The following KDM1A variants were observed in gnomAD, a reference collection of about 807,000 sequenced individuals.
KDM1A encodes the protein lysine-specific histone demethylase 1A.
Under a neutral mutation model 109.4 loss-of-function variants are expected in KDM1A, and 49 were observed. The observed-to-expected ratio is 0.45, with a 90% CI of 0.36 to 0.57. The LOEUF (loss-of-function observed/expected upper bound fraction) is 0.57, where lower values mean the gene tolerates loss of function less well. Among genes scored for constraint, KDM1A ranks in the 20% least tolerant of loss-of-function variants. KDM1A has a pLI of 0.00. For missense variants in KDM1A, 668 were observed against 1,116.6 expected (o/e 0.60, Z 5.73); for synonymous variants, 380 against 415.4 (o/e 0.91, Z 1.04).
chr1:23,025,136 T>C (rs1417777291), intron 1 of KDM1A, among the ~76,000 whole-genome samples: 1 of 152,200 alleles, frequency 6.6e-6, no homozygotes, highest in African/African-American at 2.4e-5. Flanking sequence ...TAAGTTTAAA[T>C]TGAAATTAAA....
chr1:23,081,360 C>A, intron 18 of KDM1A, 86 bp from the exon 19 acceptor site: 2 of 1,462,814 alleles, frequency 1.4e-6, no homozygotes, highest in South Asian at 1.2e-5. Flanking sequence ...GATTTCAGAG[C>A]ACCAGGAATA....
chr1:23,071,632 A>G (rs1393114072), intron 13 of KDM1A, among the ~76,000 whole-genome samples: 1 of 152,232 alleles, frequency 6.6e-6, no homozygotes, highest in South Asian at 2.1e-4. Flanking sequence ...AGTATTAAAC[A>G]TGGACTTCAG....
intron 8 of KDM1A, 24 bp downstream of exon 8, chr1:23,057,589 A>G (rs372013728): frequency 1.5e-5 from 23 of 1,537,542 alleles, no homozygotes; most frequent in Non-Finnish European, 1.6e-5. Flanking sequence ...GGTTTGTGCT[A>G]TATAGTACAT....
At chr1:23,064,250 A>G (rs1429622030) in intron 9 of KDM1A, among the ~76,000 whole-genome samples, 1 of 152,246 alleles carries the variant, frequency 6.6e-6, no homozygotes, top group Non-Finnish European at 1.5e-5. Context: ...GATAATAGCT[A>G]TATCTCATTT....
At chr1:23,033,883 A>G (rs1158463336) in intron 2 of KDM1A, among the ~76,000 whole-genome samples, 1 of 152,226 alleles carries the variant, frequency 6.6e-6, no homozygotes, top group Non-Finnish European at 1.5e-5. Context: ...TGGAAAGACC[A>G]ATCTCATGCT....
intron 3 of KDM1A, among the ~76,000 whole-genome samples, chr1:23,045,167 CG>C (rs1484884246): frequency 6.6e-6 from 1 of 152,150 alleles, no homozygotes; most frequent in Non-Finnish European, 1.5e-5. Context: ...TCCAAAATAA[CG>C]TATCTGGATT....
chr1:23,020,258 G>A (rs1641582584), intron 1 of KDM1A: 1 of 229,360 alleles, frequency 4.4e-6, no homozygotes. Context: ...CTGGAAAATG[G>A]CTCCCTGACG....
At chr1:23,067,476 T>A (rs1018273577) in intron 10 of KDM1A, among the ~76,000 whole-genome samples, 1 of 152,200 alleles carries the variant, frequency 6.6e-6, no homozygotes, top group Non-Finnish European at 1.5e-5. Flanking sequence ...AGAGGTAGAA[T>A]CTTACTGGGA....
intron 3 of KDM1A, among the ~76,000 whole-genome samples, chr1:23,049,066 C>G (rs1486670764): frequency 6.7e-6 from 1 of 148,358 alleles, no homozygotes; most frequent in Non-Finnish European, 1.5e-5. Context: ...GCAGGAGAAT[C>G]GCCTGAACCC....
chr1:23,079,717 A>C lies in KDM1A; in HGVS notation c.2170+50A>C. On this transcript the variant is annotated intron_variant, in intron 18 of 20. Coordinates refer to ENST00000400181, the MANE Select transcript of KDM1A (RefSeq NM_001009999.3). The surrounding 1 kb of genome is among the most constrained non-coding windows in gnomAD (Gnocchi z 5.6). ...TTTCCATATCCTTACAGGAATATAGAATTTGAAATATTTTGGGTTTTCTCA... is the reference window on the plus strand; with the variant it reads ...TTTCCATATCCTTACAGGAATATAGCATTTGAAATATTTTGGGTTTTCTCA... 7.2e-6 allele frequency: 9 copies of C among 1,247,916 alleles called. No individual in the cohort carries two copies. Among genetic ancestry groups the C allele is most frequent in the Non-Finnish European group, 1.0e-5 (9 of 892,544 alleles). The allele number at this position is 1,247,916 out of a possible 1,614,324, so 77.3% of individuals were successfully genotyped here. A position where few individuals can be genotyped will look rare whatever the true frequency, so the allele number is the denominator to read the frequency against.
intron 9 of KDM1A, among the ~76,000 whole-genome samples, chr1:23,061,806 G>C (rs901611987): frequency 6.6e-6 from 1 of 151,934 alleles, no homozygotes; most frequent in Non-Finnish European, 1.5e-5. Context: ...ACAGGCATGC[G>C]CCACCACGCC....
At chr1:23,055,332 TA>T in intron 6 of KDM1A, 171 bp downstream of exon 6, 1 of 339,880 alleles carries the variant, frequency 2.9e-6, no homozygotes, top group Admixed American at 4.6e-5. Flanking sequence ...AAATAAATAA[TA>T]AAAAATATAG....
chr1:23,065,639 TACCGGAGATGC>T (rs1396206522), intron 9 of KDM1A, among the ~76,000 whole-genome samples: 2 of 152,202 alleles, frequency 1.3e-5, no homozygotes, highest in Non-Finnish European at 2.9e-5. Context: ...TAGAATGGTG[TACCGGAGATGC>T]AGTCCTGTCA....
In KDM1A at chr1:23,050,959, C is replaced by T. The variant is rs904781401; in HGVS notation, c.711+439C>T. ...AATTATCTGGGCATGGTGGCAGGCA[C>T]ATGTAGTCCCAGCTACTTGAGAGGC... On this transcript the variant is annotated intron_variant, in intron 4 of 20. Coordinates refer to ENST00000400181, the MANE Select transcript of KDM1A (RefSeq NM_001009999.3). Among the ~76,000 whole-genome samples, 3 of 152,112 alleles carry T rather than the reference C, an allele frequency of 2.0e-5. No individual in the cohort carries two copies. In the East Asian group the frequency reaches 5.8e-4, roughly 29 times the overall value.
chr1:23,063,959 C>T (rs1438094363), intron 9 of KDM1A, among the ~76,000 whole-genome samples: 1 of 152,224 alleles, frequency 6.6e-6, no homozygotes, highest in African/African-American at 2.4e-5. Context: ...ACAAACATGG[C>T]TCACTGTTGC....
rs1158946138 is a variant in KDM1A, at chr1:23,019,468, G to GGCGCGTGCGT, written c.-128_-119dup. 8.1e-7 allele frequency: 1 copy of GGCGCGTGCGT among 1,236,948 alleles called. No individual in the cohort carries two copies. Among genetic ancestry groups the GGCGCGTGCGT allele is most frequent in the African/African-American group, 1.6e-5 (1 of 63,794 alleles). 76.6% of individuals were successfully genotyped at this position (1,236,948 alleles called of 1,614,324 possible). A position where few individuals can be genotyped will look rare whatever the true frequency, so the allele number is the denominator to read the frequency against. ...GTCCCGGCGCGGCGGGAGCGCGCTTGGCGCGTGCGTACGCGACGGCGGTTG... is the reference window on the plus strand; with the variant it reads ...GTCCCGGCGCGGCGGGAGCGCGCTTGGCGCGTGCGTGCGCGTGCGTACGCGACGGCGGTTG... On this transcript the variant is annotated 5_prime_UTR_variant, in exon 1 of 21. Transcript: ENST00000400181.
At chr1:23,077,125 C>G (rs1471953020) in intron 15 of KDM1A, 103 bp from the exon 16 acceptor site, 1 of 1,091,820 alleles carries the variant, frequency 9.2e-7, no homozygotes, top group Non-Finnish European at 1.3e-6. Flanking sequence ...AAAATATTGA[C>G]TGTTTCCACA....
rs1643680186 is a variant in KDM1A at position 23,083,421 on chromosome 1, G to C, written c.*57G>C. 2 of 1,523,690 alleles carry C rather than the reference G, an allele frequency of 1.3e-6. No individual in the cohort carries two copies. The highest frequency in any genetic ancestry group is 1.8e-6 in the Non-Finnish European group (2 of 1,126,272). 94.4% of individuals were successfully genotyped at this position (1,523,690 alleles called of 1,614,324 possible). A position where few individuals can be genotyped will look rare whatever the true frequency, so the allele number is the denominator to read the frequency against. Reference sequence around the variant, plus strand: ...TGCCTGTTTCTGCCATGTAAGGAAGGCTCTTCTAGCAATACTAGATCCCAC... The same window carrying C: ...TGCCTGTTTCTGCCATGTAAGGAAGCCTCTTCTAGCAATACTAGATCCCAC... On this transcript the variant is annotated 3_prime_UTR_variant, in exon 21 of 21. Transcript: ENST00000400181.
intron 10 of KDM1A, 22 bp from the exon 11 acceptor site, chr1:23,068,517 C>G: frequency 6.4e-7 from 1 of 1,558,026 alleles, no homozygotes; most frequent in South Asian, 1.3e-5. Context: ...AGGACCAACT[C>G]TGCTATACTT....
Sources: allele counts gnomAD v4.1 joint callset (sites outside exome capture counted in the v4.1 genomes callset), GRCh38; gene constraint gnomAD v4.1.1; non-coding constraint Gnocchi (gnomAD v3.1); transcripts MANE v1.5; gene names NCBI Gene and HGNC (gene_info 2026-07-23, HGNC 2026-07-21).